The following CADM2 variants were observed in gnomAD, a reference collection of about 807,000 sequenced individuals.
CADM2 encodes cell adhesion molecule 2.
Under a neutral mutation model 49.8 loss-of-function variants are expected in CADM2, and 12 were observed. The observed-to-expected ratio is 0.24, with a 90% confidence interval of 0.15 to 0.39. The LOEUF (loss-of-function observed/expected upper bound fraction) is 0.39, where lower values mean the gene tolerates loss of function less well. CADM2 is among the 10% of genes least tolerant of loss of function. The pLI, the probability that CADM2 is intolerant of heterozygous loss-of-function variation, is 1.00. For synonymous variants in CADM2, 214 were observed against 175.4 expected, an observed-to-expected ratio of 1.22 and a Z score of -1.74; for missense variants, 378 against 492.3, an observed-to-expected ratio of 0.77 and a Z score of 2.20.
chr3:84,980,816 G>A (rs554576589), intron 1 of CADM2, among the ~76,000 whole-genome samples: 1 of 152,160 alleles, frequency 6.6e-6, no homozygotes, highest in East Asian at 1.9e-4. Context: ...TGGTAAAATG[G>A]CTCATATCAG....
In CADM2 at chr3:85,434,691, AAAGGTCACTTTG is replaced by A. The variant is rs531309296; in HGVS notation, c.62-291827_62-291816del. On this transcript the variant is annotated intron_variant, in intron 1 of 9. Coordinates refer to ENST00000383699, the MANE Select transcript of CADM2 (RefSeq NM_001167675.2). ...CGTATTTCTGATAATATTTAAATTT[AAAGGTCACTTTG>A]AAGTCAATTTTAATATTACCCTCTG... Among the ~76,000 whole-genome samples the A allele has an allele frequency of 2.2e-3, 336 of 152,272 alleles. 2 individuals carry two copies. Among genetic ancestry groups the A allele is most frequent in the African/African-American group, 7.7e-3 (322 of 41,582 alleles).
chr3:85,281,319 G>C (rs917142788), intron 1 of CADM2, among the ~76,000 whole-genome samples: 1 of 151,696 alleles, frequency 6.6e-6, no homozygotes. Context: ...ATGCAAAAAT[G>C]TAAAAGATAT....
intron 1 of CADM2, among the ~76,000 whole-genome samples, chr3:85,143,180 T>C (rs1024898967): frequency 1.3e-5 from 2 of 152,120 alleles, no homozygotes; most frequent in Admixed American, 6.5e-5. Flanking sequence ...TTAAACAAAA[T>C]TTGGAATAAT....
intron 8 of CADM2, chr3:85,979,348 G>A: frequency 6.5e-7 from 1 of 1,547,386 alleles, no homozygotes; most frequent in Non-Finnish European, 8.8e-7. Flanking sequence ...GAAGTTTTTA[G>A]AAAGGTTAAA....
chr3:85,983,269 C>T (rs1727686470), intron 8 of CADM2, among the ~76,000 whole-genome samples: 1 of 151,618 alleles, frequency 6.6e-6, no homozygotes, highest in South Asian at 2.1e-4. Context: ...AGAAGAACTT[C>T]AACCACATGG....
intron 1 of CADM2, among the ~76,000 whole-genome samples, chr3:85,572,366 A>C (rs1468911005): frequency 6.6e-6 from 1 of 152,188 alleles, no homozygotes; most frequent in Non-Finnish European, 1.5e-5. Flanking sequence ...GAGGCATAAA[A>C]GTTTGTATAC....
At chr3:85,460,957 G>A (rs1423983265) in intron 1 of CADM2, among the ~76,000 whole-genome samples, 1 of 152,056 alleles carries the variant, frequency 6.6e-6, no homozygotes, top group East Asian at 1.9e-4. Context: ...GTAAAGTCTG[G>A]GAAGGAACGA....
At chr3:85,681,348 A>G (rs1350160917) in intron 1 of CADM2, among the ~76,000 whole-genome samples, 2 of 152,170 alleles carry the variant, frequency 1.3e-5, no homozygotes, top group Non-Finnish European at 2.9e-5. Flanking sequence ...AGATAAGAAG[A>G]ATATCAATTT....
chr3:85,253,077 A>G (rs1180990489), intron 1 of CADM2, among the ~76,000 whole-genome samples: 1 of 152,092 alleles, frequency 6.6e-6, no homozygotes, highest in African/African-American at 2.4e-5. Context: ...ACCAAAAGAA[A>G]TATGCTGTAA....
intron 2 of CADM2, among the ~76,000 whole-genome samples, chr3:85,749,059 A>C (rs1368883866): frequency 6.6e-6 from 1 of 152,108 alleles, no homozygotes; most frequent in Non-Finnish European, 1.5e-5. Flanking sequence ...TAACAAGAGA[A>C]ATTCATGGGA....
At chr3:85,158,024 G>A (rs915083298) in intron 1 of CADM2, among the ~76,000 whole-genome samples, 3 of 152,078 alleles carry the variant, frequency 2.0e-5, no homozygotes, top group African/African-American at 4.8e-5. Flanking sequence ...TCAAAAAGTC[G>A]GCGAAGGACA....
chr3:85,950,576 C>G (rs898497679), intron 7 of CADM2, among the ~76,000 whole-genome samples: 2 of 150,990 alleles, frequency 1.3e-5, no homozygotes, highest in African/African-American at 4.8e-5. Flanking sequence ...TCTAAAAATG[C>G]CATTATTTTC....
At chr3:84,990,203 A>C (rs969571297) in intron 1 of CADM2, among the ~76,000 whole-genome samples, 6 of 151,578 alleles carry the variant, frequency 4.0e-5, no homozygotes, top group Non-Finnish European at 8.9e-5. Flanking sequence ...TTAAAGACTA[A>C]GCGTATTTAC....
intron 1 of CADM2, among the ~76,000 whole-genome samples, chr3:85,616,383 A>C (rs1247439777): frequency 6.6e-6 from 1 of 152,126 alleles, no homozygotes; most frequent in Non-Finnish European, 1.5e-5. Context: ...AGATAATTTC[A>C]ACATTAAATA....
chr3:85,640,398 T>C (rs550794475), intron 1 of CADM2, among the ~76,000 whole-genome samples: 20 of 152,290 alleles, frequency 1.3e-4, no homozygotes, highest in African/African-American at 4.8e-4. Flanking sequence ...AATGTGGTTT[T>C]TGAACATGAT....
At chr3:85,549,512 G>T (rs576136606) in intron 1 of CADM2, among the ~76,000 whole-genome samples, 1 of 152,270 alleles carries the variant, frequency 6.6e-6, no homozygotes, top group Admixed American at 6.5e-5. Flanking sequence ...AGTGAATGAT[G>T]AGTAGATGAA....
intron 1 of CADM2, among the ~76,000 whole-genome samples, chr3:84,990,688 A>G (rs1275892467): frequency 6.6e-6 from 1 of 152,092 alleles, no homozygotes; most frequent in Non-Finnish European, 1.5e-5. Flanking sequence ...AGGAGGTGGT[A>G]TCCCTTTACA....
intron 1 of CADM2, among the ~76,000 whole-genome samples, chr3:85,012,740 A>T (rs1394082631): frequency 1.3e-5 from 2 of 151,202 alleles, no homozygotes; most frequent in African/African-American, 4.8e-5. Context: ...TATATAATGA[A>T]TTCAGTTATA....
chr3:85,101,900 TA>T (rs1306214820), intron 1 of CADM2, among the ~76,000 whole-genome samples: 12 of 152,162 alleles, frequency 7.9e-5, no homozygotes, highest in Non-Finnish European at 2.9e-5. Context: ...TTGTGCATGT[TA>T]AGATGACACC....
Sources: gnomAD v4.1 joint callset for allele counts (sites outside exome capture counted in the v4.1 genomes callset) on GRCh38, gnomAD v4.1.1 for gene constraint, MANE v1.5 for transcripts, NCBI Gene and HGNC (gene_info 2026-07-23, HGNC 2026-07-21) for gene names.